Variants in KLRG1 observed in about 807,000 individuals in gnomAD.
KLRG1 encodes killer cell lectin like receptor G1, also known as killer cell lectin-like receptor subfamily G member 1.
In KLRG1, 16 loss-of-function variants were observed where a neutral mutation model predicts 21.8. The ratio of observed to expected loss-of-function variants is 0.73; its 90% CI spans 0.50 to 1.11. The LOEUF (loss-of-function observed/expected upper bound fraction) is 1.11, where lower values mean the gene tolerates loss of function less well. KLRG1 is among the 50% of genes most tolerant of loss of function. KLRG1 has a pLI of 0.00. For missense variants in KLRG1, 173 were observed against 218.3 expected, an observed-to-expected ratio of 0.79 and a Z score of 1.31; for synonymous variants, 69 against 75.9, an observed-to-expected ratio of 0.91 and a Z score of 0.47.
the KLRG1 span, chr12:9,093,416 AGTCAGGGACCTCTATT>A: frequency 7.8e-7 from 1 of 1,280,548 alleles, no homozygotes; most frequent in Non-Finnish European, 1.1e-6. Context: ...AGTTGAAAAT[AGTCAGGGACCTCTATT>A]GTTGCATATT....
the KLRG1 span, among the ~76,000 whole-genome samples, chr12:9,040,613 G>A: frequency 1.3e-5 from 2 of 152,212 alleles, no homozygotes; most frequent in East Asian, 3.9e-4. Context: ...TAATTCTTCT[G>A]AATCACTTTC....
chr12:9,034,073 G>A, the KLRG1 span, among the ~76,000 whole-genome samples: 1 of 152,200 alleles, frequency 6.6e-6, no homozygotes, highest in Non-Finnish European at 1.5e-5. Flanking sequence ...AGAGACAATT[G>A]GTATTTGTGT....
intron 3 of KLRG1, among the ~76,000 whole-genome samples, chr12:9,002,452 C>T (rs1335487618): frequency 6.6e-6 from 1 of 152,168 alleles, no homozygotes; most frequent in East Asian, 1.9e-4. Context: ...TTAGGGTTTG[C>T]ATTTTTTCTA....
At chr12:9,103,489 ATATC>A in the KLRG1 span, among the ~76,000 whole-genome samples, 1 of 152,222 alleles carries the variant, frequency 6.6e-6, no homozygotes, top group Admixed American at 6.5e-5. Context: ...AGTATTAAGT[ATATC>A]TGTTGTGCAA....
the KLRG1 span, among the ~76,000 whole-genome samples, chr12:9,047,686 A>T: frequency 6.6e-6 from 1 of 152,222 alleles, no homozygotes; most frequent in Non-Finnish European, 1.5e-5. Context: ...TAAAGGATAG[A>T]TTGAAAATAA....
the KLRG1 span, chr12:9,164,221 A>C: frequency 1.2e-6 from 2 of 1,612,504 alleles, no homozygotes; most frequent in East Asian, 2.2e-5. Context: ...TATTTTGGGA[A>C]GCTAGGAAGG....
chr12:8,983,709 C>T (rs969529801), intron 1 of KLRG1, among the ~76,000 whole-genome samples: 2 of 152,016 alleles, frequency 1.3e-5, no homozygotes, highest in Non-Finnish European at 2.9e-5. Context: ...CCCATTTTAC[C>T]ATTTTAAAGA....
At chr12:8,959,531 T>C (rs1946349264) in intron 1 of KLRG1, among the ~76,000 whole-genome samples, 1 of 152,118 alleles carries the variant, frequency 6.6e-6, no homozygotes, top group Non-Finnish European at 1.5e-5. Context: ...TCTGAACTCT[T>C]GGGGGGATGA....
intron 3 of KLRG1, among the ~76,000 whole-genome samples, chr12:9,007,079 GT>G (rs1475731756): frequency 6.6e-6 from 1 of 152,170 alleles, no homozygotes; most frequent in Non-Finnish European, 1.5e-5. Context: ...TAAACAAGTT[GT>G]ACTGATTTTT....
At chr12:9,045,359 A>G in the KLRG1 span, among the ~76,000 whole-genome samples, 15 of 152,198 alleles carry the variant, frequency 9.9e-5, no homozygotes, top group African/African-American at 3.6e-4. Flanking sequence ...TTAGCCTCTA[A>G]TAAAGACACA....
the KLRG1 span, among the ~76,000 whole-genome samples, chr12:9,148,320 G>T: frequency 5.9e-5 from 9 of 152,238 alleles, no homozygotes; most frequent in East Asian, 1.7e-3. Context: ...TCTATAGGAT[G>T]CAGGTTACTC....
chr12:9,095,613 T>C, the KLRG1 span: 1 of 1,611,374 alleles, frequency 6.2e-7, no homozygotes, highest in Non-Finnish European at 8.5e-7. Context: ...ATATAGACAT[T>C]ATGACGATTG....
the KLRG1 span, chr12:9,094,956 A>C: frequency 1.5e-6 from 2 of 1,342,312 alleles, no homozygotes; most frequent in Non-Finnish European, 2.0e-6. Context: ...ATATATATTT[A>C]TTAATTTTTT....
intron 3 of KLRG1, among the ~76,000 whole-genome samples, chr12:8,997,642 GCTGT>G (rs1947173239): frequency 6.6e-6 from 1 of 152,116 alleles, no homozygotes; most frequent in Non-Finnish European, 1.5e-5. Flanking sequence ...TCCCTCTTAT[GCTGT>G]TAAACGGTCA....
the KLRG1 span, chr12:9,036,899 TG>T: frequency 2.9e-6 from 1 of 340,172 alleles, no homozygotes. Context: ...GGCTACCGGA[TG>T]GGGGACTTCG....
the KLRG1 span, among the ~76,000 whole-genome samples, chr12:9,139,136 A>G: frequency 4.0e-5 from 6 of 151,736 alleles, no homozygotes; most frequent in South Asian, 4.2e-4. Context: ...TTTTGTTTTC[A>G]TTTGTATTAA....
the KLRG1 span, among the ~76,000 whole-genome samples, chr12:9,144,021 G>A: frequency 1.3e-5 from 2 of 152,224 alleles, no homozygotes; most frequent in African/African-American, 4.8e-5. Context: ...GTCCTCTGAG[G>A]ATCAGGATGG....
chr12:9,109,805 C>T, the KLRG1 span: 7 of 1,476,336 alleles, frequency 4.7e-6, no homozygotes, highest in Non-Finnish European at 6.4e-6. Flanking sequence ...AACTTAAATT[C>T]CAGGACCTAA....
chr12:9,154,702 T>G, the KLRG1 span: 1 of 1,614,036 alleles, frequency 6.2e-7, no homozygotes, highest in Non-Finnish European at 8.5e-7. Flanking sequence ...TCCCCTGAGG[T>G]GGGGGCTGGC....
Sources: allele counts gnomAD v4.1 joint callset (sites outside exome capture counted in the v4.1 genomes callset), GRCh38; gene constraint gnomAD v4.1.1; transcripts MANE v1.5; gene names NCBI Gene and HGNC (gene_info 2026-07-23, HGNC 2026-07-21).